The following ABTB2 variants were observed in gnomAD, a reference collection of about 807,000 sequenced individuals.
The protein encoded by ABTB2 is ankyrin repeat and BTB/POZ domain-containing protein 2.
A neutral mutation model predicts 104.1 loss-of-function variants in ABTB2; 56 were observed. The ratio of observed to expected loss-of-function variants is 0.54; its 90% CI spans 0.43 to 0.67. The LOEUF (loss-of-function observed/expected upper bound fraction) is 0.67, where lower values mean the gene tolerates loss of function less well. Ranked by LOEUF, ABTB2 falls within the 30% of genes least tolerant of loss-of-function variation. The probability of loss-of-function intolerance (pLI) is 0.00; values close to 1 mark genes in which losing one functional copy is unlikely to be tolerated. For missense variants in ABTB2, 1,279 were observed against 1,407.7 expected, an observed-to-expected ratio of 0.91 and a Z score of 1.46; for synonymous variants, 606 against 608.2, an observed-to-expected ratio of 1.00 and a Z score of 0.05.
chr11:34,195,206 C>T lies in ABTB2; in HGVS notation c.1244+2119G>A, dbSNP rs1411431164. ...AAGAAGGCGCCTGTCCTCCCAGTCACCTTTGTGTGAATGACCCGGCCTCAG... is the reference window on the plus strand; with the variant it reads ...AAGAAGGCGCCTGTCCTCCCAGTCATCTTTGTGTGAATGACCCGGCCTCAG... On this transcript the variant is annotated intron_variant, in intron 3 of 16. Transcript: ENST00000435224. Among the ~76,000 whole-genome samples the T allele has an allele frequency of 3.3e-5, 5 of 152,180 alleles. No homozygotes were observed. The South Asian group carries it at 6.2e-4, about 19-fold the overall frequency.
chr11:34,331,972 G>T (rs1268279283), intron 1 of ABTB2, among the ~76,000 whole-genome samples: 1 of 152,142 alleles, frequency 6.6e-6, no homozygotes, highest in Non-Finnish European at 1.5e-5. Context: ...AAGCCTGAGG[G>T]CTAACTTCTA....
At position 34,327,148 on chromosome 11, in the gene ABTB2, A is replaced by G. The variant is rs1209342302; in HGVS notation, c.883+29553T>C. On this transcript the variant is annotated intron_variant, in intron 1 of 16. Coordinates refer to ENST00000435224, the MANE Select transcript of ABTB2 (RefSeq NM_145804.3). ...GAGAACAGATAAACAACAAAACATG[A>G]CTATTTGCTGTATACAAGAAACTCA... Among the ~76,000 whole-genome samples the G allele has an allele frequency of 2.6e-5, 4 of 152,218 alleles. No individual in the cohort carries two copies. The East Asian group carries it at 7.7e-4, about 29-fold the overall frequency.
intron 1 of ABTB2, among the ~76,000 whole-genome samples, chr11:34,319,278 G>T (rs1025508918): frequency 2.6e-5 from 4 of 152,236 alleles, no homozygotes; most frequent in African/African-American, 9.6e-5. Context: ...AGGTGAAGAA[G>T]GTCACAGAGA....
chr11:34,357,550 G>A lies in ABTB2; in HGVS notation c.34C>T (p.Leu12=), dbSNP rs1215554843. Residue 12 remains leucine, a synonymous_variant, in exon 1 of 17, where the codon CTG becomes TTG. Coordinates refer to ENST00000435224, the MANE Select transcript of ABTB2 (RefSeq NM_145804.3). The part of the protein sequence containing the change: ...AGTYSSTLKT[L]EDLTLDSGYG... ...CCGGAGTCCAAGGTCAAGTCCTCCAGCGTCTTCAGAGTCGAGCTGTACGTC... is the reference window on the plus strand; with the variant it reads ...CCGGAGTCCAAGGTCAAGTCCTCCAACGTCTTCAGAGTCGAGCTGTACGTC... 1.3e-6 allele frequency: 2 copies of A among 1,533,232 alleles called. No individual in the cohort carries two copies. Among genetic ancestry groups the A allele is most frequent in the East Asian group, 2.5e-5 (1 of 40,794 alleles). The allele number at this position is 1,533,232 out of a possible 1,614,324, so 95.0% of individuals were successfully genotyped here.
chr11:34,224,539 A>G (rs1480429319), intron 1 of ABTB2, among the ~76,000 whole-genome samples: 2 of 152,076 alleles, frequency 1.3e-5, no homozygotes, highest in South Asian at 4.1e-4. Flanking sequence ...CATGGTCTTC[A>G]TAGAGCCTCC....
chr11:34,299,340 C>A (rs550158080), intron 1 of ABTB2, among the ~76,000 whole-genome samples: 1 of 152,232 alleles, frequency 6.6e-6, no homozygotes, highest in East Asian at 1.9e-4. Context: ...AAAATGAAAT[C>A]CAAATTGATG....
At chr11:34,219,495 A>G (rs907788089) in intron 1 of ABTB2, among the ~76,000 whole-genome samples, 3 of 151,998 alleles carry the variant, frequency 2.0e-5, no homozygotes, top group Non-Finnish European at 4.4e-5. Flanking sequence ...GTGAGCCACA[A>G]TCATGCCACC....
intron 1 of ABTB2, among the ~76,000 whole-genome samples, chr11:34,347,412 G>A (rs370093224): frequency 1.3e-5 from 2 of 152,052 alleles, no homozygotes; most frequent in South Asian, 2.1e-4. Flanking sequence ...CTCCAACCTG[G>A]GTGACAGAGT....
At position 34,164,694 on chromosome 11, in the gene ABTB2, G is replaced by A. The variant is rs765493051; in HGVS notation, c.1980C>T (p.His660=). 57 of 1,513,858 alleles carry A rather than the reference G, an allele frequency of 3.8e-5. No individual in the cohort carries two copies. Among genetic ancestry groups the A allele is most frequent in the Middle Eastern group, 3.4e-4 (2 of 5,800 alleles). The allele number at this position is 1,513,858 out of a possible 1,614,324, so 93.8% of individuals were successfully genotyped here. A position where few individuals can be genotyped will look rare whatever the true frequency, so the allele number is the denominator to read the frequency against. Residue 660 remains histidine, a synonymous_variant, in exon 9 of 17, where the codon CAC becomes CAT. Coordinates refer to ENST00000435224, the MANE Select transcript of ABTB2 (RefSeq NM_145804.3). The part of the protein sequence containing the change: ...DMNCFSHSAA[H]GHRNVLRKLL... Reference sequence around the variant, plus strand: ...GAATCCCGGGCAGGTACCTGTGGCCGTGGGCAGCTGAGTGGCTGAAGCAGT... The same window carrying A: ...GAATCCCGGGCAGGTACCTGTGGCCATGGGCAGCTGAGTGGCTGAAGCAGT...
intron 1 of ABTB2, among the ~76,000 whole-genome samples, chr11:34,334,016 GAAA>G (rs5790985): frequency 8.3e-5 from 10 of 119,942 alleles, no homozygotes; most frequent in Non-Finnish European, 1.5e-4. Context: ...AGCCACAGGT[GAAA>G]AAAAAAAAAA....
chr11:34,213,649 C>T lies in ABTB2; in HGVS notation c.884-8959G>A, dbSNP rs375915326. On this transcript the variant is annotated intron_variant, in intron 1 of 16. Transcript: ENST00000435224. The stretch of plus-strand genomic sequence containing the variant: ...GCCTGTAAGAAAACTAGCAGGGATG[C>T]TACATTGCTGTTTAATTTTTTTGAA... Among the ~76,000 whole-genome samples the T allele has an allele frequency of 6.4e-4, 97 of 152,288 alleles. No homozygotes were observed. The South Asian group carries it at 0.02, about 31-fold the overall frequency.
intron 1 of ABTB2, among the ~76,000 whole-genome samples, chr11:34,204,979 A>T (rs1373773939): frequency 3.9e-5 from 6 of 152,216 alleles, no homozygotes; most frequent in African/African-American, 7.2e-5. Context: ...GGATCATAGA[A>T]GCATTCATTC....
chr11:34,284,315 C>G (rs372458822), intron 1 of ABTB2, among the ~76,000 whole-genome samples: 3 of 152,198 alleles, frequency 2.0e-5, no homozygotes, highest in African/African-American at 7.2e-5. Flanking sequence ...GAGCAAATGA[C>G]CCCCGTGTAA....
At chr11:34,253,424 T>A (rs1854079337) in intron 1 of ABTB2, among the ~76,000 whole-genome samples, 1 of 151,802 alleles carries the variant, frequency 6.6e-6, no homozygotes, top group South Asian at 2.1e-4. Context: ...ATGCCTGTAA[T>A]CCCAGCACTT....
At chr11:34,335,088 A>G in intron 1 of ABTB2, 2 of 998,772 alleles carry the variant, frequency 2.0e-6, no homozygotes, top group Non-Finnish European at 3.2e-6. Context: ...CATACAAATA[A>G]TACAGCAAAT....
At chr11:34,300,507 G>A (rs1468841519) in intron 1 of ABTB2, among the ~76,000 whole-genome samples, 2 of 152,166 alleles carry the variant, frequency 1.3e-5, no homozygotes, top group Non-Finnish European at 2.9e-5. Context: ...AGCCTGAAAG[G>A]CACCCATTAG....
At chr11:34,313,894 C>T (rs1399108970) in intron 1 of ABTB2, among the ~76,000 whole-genome samples, 1 of 152,210 alleles carries the variant, frequency 6.6e-6, no homozygotes, top group Non-Finnish European at 1.5e-5. Context: ...CCGTCCTCAG[C>T]AAGGGACTTG....
chr11:34,318,709 A>C (rs768879186), intron 1 of ABTB2, among the ~76,000 whole-genome samples: 4 of 152,258 alleles, frequency 2.6e-5, no homozygotes, highest in Non-Finnish European at 5.9e-5. Context: ...CCAAGAGTCC[A>C]GAGGATTATT....
chr11:34,255,026 G>A (rs985416627), intron 1 of ABTB2, among the ~76,000 whole-genome samples: 4 of 151,964 alleles, frequency 2.6e-5, no homozygotes, highest in African/African-American at 9.7e-5. Context: ...GTACTATACC[G>A]GACAACAAAG....
Sources: gnomAD v4.1 joint callset for allele counts (sites outside exome capture counted in the v4.1 genomes callset) on GRCh38, gnomAD v4.1.1 for gene constraint, MANE v1.5 for transcripts, NCBI Gene and HGNC (gene_info 2026-07-23, HGNC 2026-07-21) for gene names.